QRICH1: variants seen among roughly 807,000 people sequenced by gnomAD.
The protein encoded by QRICH1 is glutamine rich 1.
In QRICH1, 16 loss-of-function variants were observed where a neutral mutation model predicts 87.1. The ratio of observed to expected loss-of-function variants is 0.18; its 90% CI spans 0.12 to 0.28. The LOEUF (loss-of-function observed/expected upper bound fraction) is 0.28. Ranked by LOEUF, QRICH1 falls within the 10% of genes least tolerant of loss-of-function variation. The pLI is 1.00. For missense variants in QRICH1, 647 were observed against 951.7 expected (o/e 0.68, Z 4.21); for synonymous variants, 367 against 368.4 (o/e 1.00, Z 0.05).
intron 1 of QRICH1, among the ~76,000 whole-genome samples, chr3:49,083,065 G>T (rs1182793637): frequency 6.6e-6 from 1 of 151,502 alleles, no homozygotes; most frequent in African/African-American, 2.4e-5. Context: ...AATGAGTTGG[G>T]CATGGTAGAG....
intron 9 of QRICH1, among the ~76,000 whole-genome samples, chr3:49,030,990 GCTTT>G (rs1312850486): frequency 6.9e-6 from 1 of 144,606 alleles, no homozygotes; most frequent in African/African-American, 2.6e-5. Context: ...AAGTCTTTGC[GCTTT>G]TTTTTTTTTT....
chr3:49,079,058 C>T (rs1299814554), intron 1 of QRICH1, among the ~76,000 whole-genome samples: 1 of 151,866 alleles, frequency 6.6e-6, no homozygotes, highest in African/African-American at 2.4e-5. Flanking sequence ...CATGGAGAAA[C>T]CCCATCTCTA....
chr3:49,087,818 C>CAAAAAAAAAAAAAA (rs58022360), intron 1 of QRICH1, among the ~76,000 whole-genome samples: 1,147 of 47,598 alleles, frequency 0.024, 243 homozygotes, highest in East Asian at 0.062. Flanking sequence ...AGGTTCATCT[C>CAAAAAAAAAAAAAA]AAAAAAAAAA....
At chr3:49,058,115 G>A in intron 2 of QRICH1, 4 of 704,256 alleles carry the variant, frequency 5.7e-6, no homozygotes, top group South Asian at 2.2e-5. Context: ...GAGCAAGCAA[G>A]ACAATTAACT....
intron 1 of QRICH1, among the ~76,000 whole-genome samples, chr3:49,090,558 G>A (rs1176106386): frequency 6.6e-6 from 1 of 151,320 alleles, no homozygotes; most frequent in Non-Finnish European, 1.5e-5. Context: ...AACCCGGAAG[G>A]TGGAGGTTGC....
intron 5 of QRICH1, among the ~76,000 whole-genome samples, chr3:49,044,741 G>A (rs1000406267): frequency 6.6e-6 from 1 of 152,122 alleles, no homozygotes; most frequent in African/African-American, 2.4e-5. Context: ...TTTCACCCAA[G>A]AAAGGCATTA....
At chr3:49,055,270 A>G (rs964952265) in intron 3 of QRICH1, among the ~76,000 whole-genome samples, 19 of 152,130 alleles carry the variant, frequency 1.2e-4, no homozygotes, top group African/African-American at 4.6e-4. Context: ...TGTTTGTACC[A>G]GCTCCCACAA....
At chr3:49,036,585 A>T (rs981235034) in intron 6 of QRICH1, among the ~76,000 whole-genome samples, 4 of 152,190 alleles carry the variant, frequency 2.6e-5, no homozygotes, top group African/African-American at 9.7e-5. Context: ...TAAATCTGTA[A>T]GTTCACAATG....
At chr3:49,084,553 C>T (rs2042131783) in intron 1 of QRICH1, among the ~76,000 whole-genome samples, 1 of 152,126 alleles carries the variant, frequency 6.6e-6, no homozygotes. Flanking sequence ...CACATCCAGC[C>T]AAGATTGTGA....
At chr3:49,046,339 TCTTG>T (rs1304065724) in intron 5 of QRICH1, 82 bp downstream of exon 5, 11 of 1,375,406 alleles carry the variant, frequency 8.0e-6, no homozygotes, top group African/African-American at 1.5e-5. Flanking sequence ...TATTTTAACT[TCTTG>T]CTTATCAATT....
At chr3:49,044,837 T>A (rs1211040130) in intron 5 of QRICH1, among the ~76,000 whole-genome samples, 1 of 152,022 alleles carries the variant, frequency 6.6e-6, no homozygotes, top group African/African-American at 2.4e-5. Flanking sequence ...TGCAAGTCTT[T>A]TAATTTCTGA....
At chr3:49,093,141 G>C (rs565876177) in intron 1 of QRICH1, 9 of 152,274 alleles carry the variant, frequency 5.9e-5, no homozygotes, top group African/African-American at 1.9e-4. Flanking sequence ...TTCCCTGCCC[G>C]GCAGAAAGCC....
chr3:49,069,681 T>G (rs2093489786), intron 2 of QRICH1, among the ~76,000 whole-genome samples: 1 of 151,704 alleles, frequency 6.6e-6, no homozygotes, highest in African/African-American at 2.4e-5. Context: ...AGTCTCACTA[T>G]GTTGCCCAGG....
rs937597687 is a variant in QRICH1, at chr3:49,030,034, G to A, written c.*418C>T. The A allele has an allele frequency of 7.4e-6, 2 of 270,830 alleles. No homozygotes were observed. The highest frequency in any genetic ancestry group is 1.4e-5 in the Non-Finnish European group (2 of 145,210). 16.8% of individuals were successfully genotyped at this position (270,830 alleles called of 1,614,324 possible). ...GATCATGAAGAAAGAAAAGAACATC[G>A]TTCCCCTGTGGTCAGCAAAGTCTGT... On this transcript the variant is annotated 3_prime_UTR_variant, in exon 10 of 10. Coordinates refer to ENST00000395443, the MANE Select transcript of QRICH1 (RefSeq NM_198880.3).
intron 2 of QRICH1, among the ~76,000 whole-genome samples, chr3:49,058,673 G>A (rs1317748391): frequency 6.6e-6 from 1 of 151,882 alleles, no homozygotes; most frequent in Non-Finnish European, 1.5e-5. Flanking sequence ...TTGTTGCCCA[G>A]GCTGGAGTGC....
intron 1 of QRICH1, 69 bp downstream of exon 1, chr3:49,093,841 GTT>G: frequency 8.2e-6 from 1 of 122,264 alleles, no homozygotes; most frequent in Non-Finnish European, 1.6e-5. Flanking sequence ...CCCGCCCGCC[GTT>G]GTGTGGGGTG....
At chr3:49,074,913 A>G (rs1335329684) in intron 2 of QRICH1, among the ~76,000 whole-genome samples, 3 of 152,196 alleles carry the variant, frequency 2.0e-5, no homozygotes, top group African/African-American at 7.2e-5. Flanking sequence ...TGGGAGGCAG[A>G]GCTTGCAGTG....
At chr3:49,035,476 C>A (rs2093269064) in intron 6 of QRICH1, among the ~76,000 whole-genome samples, 1 of 152,144 alleles carries the variant, frequency 6.6e-6, no homozygotes, top group African/African-American at 2.4e-5. Context: ...CCTCTGATGT[C>A]ACTTCCCTAA....
At chr3:49,033,510 G>A (rs748868867) in intron 6 of QRICH1, 5 of 278,876 alleles carry the variant, frequency 1.8e-5, no homozygotes, top group African/African-American at 4.4e-5. Context: ...GGCTAACACA[G>A]GGCAAAAAGA....
Sources: gnomAD v4.1 joint callset for allele counts (sites outside exome capture counted in the v4.1 genomes callset) on GRCh38, gnomAD v4.1.1 for gene constraint, MANE v1.5 for transcripts, NCBI Gene and HGNC (gene_info 2026-07-23, HGNC 2026-07-21) for gene names.